The following BCAS3 variants were observed in gnomAD, a reference collection of about 807,000 sequenced individuals.
BCAS3 encodes BCAS3 microtubule associated cell migration factor.
Under a neutral mutation model 116.1 loss-of-function variants are expected in BCAS3, and 53 were observed. That is an observed-to-expected ratio of 0.46 (90% confidence interval 0.37 to 0.57). The LOEUF is 0.57. Ranked by LOEUF, BCAS3 falls within the 20% of genes least tolerant of loss-of-function variation. BCAS3 has a pLI of 0.00. For synonymous variants in BCAS3, 391 were observed against 408.2 expected (o/e 0.96, Z 0.51); for missense variants, 917 against 1,165.4 (o/e 0.79, Z 3.10).
At chr17:60,813,562 C>T (rs946890241) in intron 7 of BCAS3, among the ~76,000 whole-genome samples, 2 of 152,056 alleles carry the variant, frequency 1.3e-5, no homozygotes, top group African/African-American at 2.4e-5. Context: ...TATAAATATT[C>T]ACAAAAAATA....
In BCAS3 at chr17:61,046,069, AAT is replaced by A. The variant is rs1491012629; in HGVS notation, c.2029+5188_2029+5189del. Among the ~76,000 whole-genome samples, 54 of 27,858 alleles carry A rather than the reference AAT, an allele frequency of 1.9e-3. 5 individuals carry two copies. Among genetic ancestry groups the A allele is most frequent in the African/African-American group, 0.013 (42 of 3,272 alleles). 18.3% of individuals were successfully genotyped at this position (27,858 alleles called of 152,430 possible). A position where few individuals can be genotyped will look rare whatever the true frequency, so the allele number is the denominator to read the frequency against. ...TATAATATATATATTATATATATATAATATATATATATTTATATATATATATA... is the reference window on the plus strand; with the variant it reads ...TATAATATATATATTATATATATATAATATATATATTTATATATATATATA... On this transcript the variant is annotated intron_variant, in intron 19 of 23. Coordinates refer to ENST00000407086, the MANE Select transcript of BCAS3 (RefSeq NM_017679.5).
At chr17:61,115,308 A>G (rs558472620) in intron 22 of BCAS3, among the ~76,000 whole-genome samples, 11 of 152,380 alleles carry the variant, frequency 7.2e-5, no homozygotes, top group Admixed American at 7.2e-4. Flanking sequence ...CAGGCAACCT[A>G]CAAAATTGGA....
At chr17:60,825,553 T>TA (rs2050328538) in intron 7 of BCAS3, among the ~76,000 whole-genome samples, 1 of 142,980 alleles carries the variant, frequency 7.0e-6, no homozygotes, top group Non-Finnish European at 1.5e-5. Context: ...TAATTATTTA[T>TA]AATAATTTAT....
At chr17:60,806,665 A>G (rs779423285) in intron 6 of BCAS3, among the ~76,000 whole-genome samples, 2 of 151,332 alleles carry the variant, frequency 1.3e-5, no homozygotes, top group African/African-American at 2.4e-5. Context: ...GGGTCCTCCT[A>G]CTTCAGCCTC....
intron 7 of BCAS3, among the ~76,000 whole-genome samples, chr17:60,828,375 A>G (rs1022105309): frequency 3.9e-5 from 6 of 152,232 alleles, no homozygotes; most frequent in Admixed American, 1.3e-4. Flanking sequence ...TTTCTACGTC[A>G]AGTATTTTTA....
intron 22 of BCAS3, among the ~76,000 whole-genome samples, chr17:61,103,516 C>CT (rs2074456114): frequency 6.6e-6 from 1 of 152,078 alleles, no homozygotes; most frequent in South Asian, 2.1e-4. Flanking sequence ...ATACTGCTGC[C>CT]CAAATGGATT....
rs2076158040 is a variant in BCAS3 at position 61,128,441 on chromosome 17, C to G, written c.2425+43877C>G. The G allele has an allele frequency of 1.0e-6, 1 of 985,254 alleles. No homozygotes were observed. Among genetic ancestry groups the G allele is most frequent in the African/African-American group, 1.7e-5 (1 of 57,220 alleles). The allele number at this position is 985,254 out of a possible 1,614,324, so 61.0% of individuals were successfully genotyped here. A position where few individuals can be genotyped will look rare whatever the true frequency, so the allele number is the denominator to read the frequency against. ...AAATCACCCTGCAGTTATTGCTCAACAGAGTAATAATAATAGATTTGGAGA... is the reference window on the plus strand; with the variant it reads ...AAATCACCCTGCAGTTATTGCTCAAGAGAGTAATAATAATAGATTTGGAGA... On this transcript the variant is annotated intron_variant, in intron 22 of 23. Coordinates refer to ENST00000407086, the MANE Select transcript of BCAS3 (RefSeq NM_017679.5). The surrounding 1 kb of genome is among the most constrained non-coding windows in gnomAD (Gnocchi z 4.1).
chr17:60,698,104 G>A (rs2035861082), intron 4 of BCAS3, among the ~76,000 whole-genome samples: 3 of 151,402 alleles, frequency 2.0e-5, no homozygotes, highest in South Asian at 4.2e-4. Context: ...GTGTGAACCT[G>A]GGAGGCAGAG....
In BCAS3 at chr17:61,166,292, C is replaced by T. The variant is rs191753927; in HGVS notation, c.2425+81728C>T. 1.8e-3 allele frequency among the ~76,000 whole-genome samples: 269 copies of T among 151,878 alleles called. 4 individuals are homozygous for T. Among genetic ancestry groups the T allele is most frequent in the African/African-American group, 5.5e-3 (229 of 41,442 alleles). ...ACTACTTACTAGTTAAAAGGCACTTCGTATCAGGCCCTTCTAATAGCAAAT... is the reference window on the plus strand; with the variant it reads ...ACTACTTACTAGTTAAAAGGCACTTTGTATCAGGCCCTTCTAATAGCAAAT... On this transcript the variant is annotated intron_variant, in intron 22 of 23. Coordinates refer to ENST00000407086, the MANE Select transcript of BCAS3 (RefSeq NM_017679.5).
intron 22 of BCAS3, among the ~76,000 whole-genome samples, chr17:61,260,002 C>A (rs917153245): frequency 1.2e-4 from 19 of 152,210 alleles, no homozygotes; most frequent in African/African-American, 4.6e-4. Flanking sequence ...ATCCTCACAA[C>A]AGTCCTTTAA....
At chr17:60,761,797 G>T (rs2043565970) in intron 6 of BCAS3, among the ~76,000 whole-genome samples, 1 of 130,374 alleles carries the variant, frequency 7.7e-6, no homozygotes, top group African/African-American at 4.7e-5. Context: ...TTCCACAATG[G>T]TTGAACTAGT....
At chr17:60,688,541 T>G (rs1300252091) in intron 3 of BCAS3, among the ~76,000 whole-genome samples, 1 of 152,008 alleles carries the variant, frequency 6.6e-6, no homozygotes, top group Non-Finnish European at 1.5e-5. Flanking sequence ...AGGCAGGGCA[T>G]GGTGGCTCAC....
At chr17:61,121,615 A>G (rs2075792813) in intron 22 of BCAS3, among the ~76,000 whole-genome samples, 1 of 152,268 alleles carries the variant, frequency 6.6e-6, no homozygotes, top group African/African-American at 2.4e-5. Context: ...CAAATTGTAA[A>G]TAGTGTTTAA....
In BCAS3 at chr17:61,073,510, T is replaced by C. The variant is rs1302744581; in HGVS notation, c.2030-1410T>C. Among the ~76,000 whole-genome samples the C allele has an allele frequency of 6.6e-6, 1 of 152,198 alleles. No individual in the cohort carries two copies. The highest frequency in any genetic ancestry group is 6.5e-5 in the Admixed American group (1 of 15,280). ...TGTTCTAGCAAGAGCTCAGTGAGGT[T>C]GGCATTCTCTTTCACTGCTTGGGTA... On this transcript the variant is annotated intron_variant, in intron 19 of 23. Transcript: ENST00000407086. The surrounding 1 kb of genome is among the most constrained non-coding windows in gnomAD (Gnocchi z 4.6).
intron 22 of BCAS3, among the ~76,000 whole-genome samples, chr17:61,216,914 T>C (rs1049618915): frequency 6.6e-6 from 1 of 152,112 alleles, no homozygotes; most frequent in African/African-American, 2.4e-5. Flanking sequence ...AATGTGCATC[T>C]GCTTGAATCT....
intron 5 of BCAS3, among the ~76,000 whole-genome samples, chr17:60,742,191 C>G (rs2041619599): frequency 6.6e-6 from 1 of 152,158 alleles, no homozygotes; most frequent in South Asian, 2.1e-4. Flanking sequence ...ACTTGTATCT[C>G]TACCAGACAA....
At position 61,077,425 on chromosome 17, in the gene BCAS3, G is replaced by T. The variant is rs923894183; in HGVS notation, c.2131-908G>T. On this transcript the variant is annotated intron_variant, in intron 20 of 23. Transcript: ENST00000407086. This position sits in a 1 kb window ranked among gnomAD's most constrained non-coding sequence, Gnocchi z 4.3. ...CCAGCTACTGGGGAGGCTGAGGCAG[G>T]AGAATGTAGTGAACCCAGGAGGCGG... Among the ~76,000 whole-genome samples, 1 of 152,150 alleles carries T rather than the reference G, an allele frequency of 6.6e-6. No individual in the cohort carries two copies. The highest frequency in any genetic ancestry group is 1.5e-5 in the Non-Finnish European group (1 of 68,036).
chr17:61,245,886 G>A (rs1413240042), intron 22 of BCAS3, among the ~76,000 whole-genome samples: 1 of 152,202 alleles, frequency 6.6e-6, no homozygotes, highest in Non-Finnish European at 1.5e-5. Context: ...GAGCTGATGG[G>A]CAGCTCTTCA....
At chr17:61,078,116 T>A (rs144662846) in intron 20 of BCAS3, among the ~76,000 whole-genome samples, 140 of 152,286 alleles carry the variant, frequency 9.2e-4, no homozygotes, top group African/African-American at 3.2e-3. Flanking sequence ...CAAAATGTAT[T>A]TTTGGCTTAT....
Sources: allele counts gnomAD v4.1 joint callset (sites outside exome capture counted in the v4.1 genomes callset), GRCh38; gene constraint gnomAD v4.1.1; non-coding constraint Gnocchi (gnomAD v3.1); transcripts MANE v1.5; gene names NCBI Gene and HGNC (gene_info 2026-07-23, HGNC 2026-07-21).